The following CPQ variants were observed in gnomAD, a reference collection of about 807,000 sequenced individuals.
CPQ encodes the protein carboxypeptidase Q, also known as Ser-Met dipeptidase.
CPQ carries 37 observed loss-of-function variants against 45.7 expected under a neutral mutation model. The observed-to-expected ratio is 0.81, with a 90% confidence interval of 0.62 to 1.07. The LOEUF is 1.07. CPQ is among the 50% of genes least tolerant of loss of function. The probability of loss-of-function intolerance (pLI) is 0.00; values close to 1 mark genes in which losing one functional copy is unlikely to be tolerated. For synonymous variants in CPQ, 186 were observed against 205.8 expected (o/e 0.90, Z 0.82); for missense variants, 537 against 572.9 (o/e 0.94, Z 0.64).
intron 4 of CPQ, among the ~76,000 whole-genome samples, chr8:96,920,233 A>G (rs1812788710): frequency 6.6e-6 from 1 of 152,142 alleles, no homozygotes; most frequent in African/African-American, 2.4e-5. Context: ...CAGACAATTC[A>G]GCCATCTAAG....
Position 97,143,419 on chromosome 8 carries a change from G to C in CPQ, c.*236G>C, listed in dbSNP as rs559554064. On this transcript the variant is annotated 3_prime_UTR_variant, in exon 8 of 8. Coordinates refer to ENST00000220763, the MANE Select transcript of CPQ (RefSeq NM_016134.4). The stretch of plus-strand genomic sequence containing the variant: ...TCAACATATGGTAGGGATTACAGTG[G>C]GGGCATTTCTTTATATCACCTCTTA... 8.1e-6 allele frequency: 3 copies of C among 368,358 alleles called. No individual in the cohort carries two copies. In the East Asian group the frequency reaches 1.4e-4, roughly 17 times the overall value. 22.8% of individuals were successfully genotyped at this position (368,358 alleles called of 1,614,324 possible).
rs545522023 is a variant in CPQ at position 97,125,561 on chromosome 8, T to G, written c.1256-17459T>G. ...TTCAAGTGGCATTTATCTTAGAAAT[T>G]TAAGGTTGGTTTAATATTTTTAAAT... On this transcript the variant is annotated intron_variant, in intron 7 of 7. Coordinates refer to ENST00000220763, the MANE Select transcript of CPQ (RefSeq NM_016134.4). Among the ~76,000 whole-genome samples, 225 of 152,264 alleles carry G rather than the reference T, an allele frequency of 1.5e-3. 1 individual carries two copies. Among genetic ancestry groups the G allele is most frequent in the African/African-American group, 5.2e-3 (216 of 41,550 alleles).
At chr8:96,759,314 T>C (rs1382412052) in intron 1 of CPQ, among the ~76,000 whole-genome samples, 1 of 152,154 alleles carries the variant, frequency 6.6e-6, no homozygotes, top group Non-Finnish European at 1.5e-5. Context: ...GATTTTGGTA[T>C]TAAGAAAATG....
intron 6 of CPQ, among the ~76,000 whole-genome samples, chr8:97,045,603 C>T (rs1810238695): frequency 6.6e-6 from 1 of 152,200 alleles, no homozygotes; most frequent in African/African-American, 2.4e-5. Context: ...AGCTGTAGAC[C>T]AGAGCTGTTC....
chr8:96,911,581 G>A (rs1191848541), intron 4 of CPQ, among the ~76,000 whole-genome samples: 1 of 152,128 alleles, frequency 6.6e-6, no homozygotes, highest in Non-Finnish European at 1.5e-5. Context: ...CTTACATCCT[G>A]TTTCTCTTGT....
chr8:96,900,594 T>C (rs1453174575), intron 4 of CPQ, among the ~76,000 whole-genome samples: 1 of 152,190 alleles, frequency 6.6e-6, no homozygotes, highest in African/African-American at 2.4e-5. Flanking sequence ...CATGTAGCCA[T>C]AACAAATGGA....
chr8:96,710,896 T>C (rs929890376), intron 1 of CPQ, among the ~76,000 whole-genome samples: 1 of 151,854 alleles, frequency 6.6e-6, no homozygotes, highest in Non-Finnish European at 1.5e-5. Flanking sequence ...CCGGTGTTTC[T>C]TTGTTGACTT....
intron 1 of CPQ, among the ~76,000 whole-genome samples, chr8:96,722,048 T>G (rs1809770326): frequency 6.6e-6 from 1 of 152,172 alleles, no homozygotes; most frequent in Non-Finnish European, 1.5e-5. Flanking sequence ...TTAACAGTTC[T>G]TTTTTTCTTT....
chr8:96,992,735 C>T (rs1478841833), intron 5 of CPQ, among the ~76,000 whole-genome samples: 1 of 151,958 alleles, frequency 6.6e-6, no homozygotes, highest in African/African-American at 2.4e-5. Flanking sequence ...GGAGAGTCTC[C>T]CACTTTCTTT....
At chr8:96,725,225 G>A (rs1809820875) in intron 1 of CPQ, among the ~76,000 whole-genome samples, 1 of 152,100 alleles carries the variant, frequency 6.6e-6, no homozygotes, top group African/African-American at 2.4e-5. Context: ...AACAAAAATT[G>A]ACAAGTGGTA....
At chr8:96,667,240 C>A (rs569130491) in intron 1 of CPQ, among the ~76,000 whole-genome samples, 40 of 152,032 alleles carry the variant, frequency 2.6e-4, no homozygotes, top group African/African-American at 9.6e-4. Context: ...TGGTAGCTTA[C>A]ATAAGAAAAT....
intron 4 of CPQ, among the ~76,000 whole-genome samples, chr8:96,914,339 A>G (rs1812704765): frequency 1.3e-5 from 2 of 152,186 alleles, no homozygotes; most frequent in Admixed American, 6.6e-5. Context: ...GTTTTTAGCA[A>G]TGGAAGTAAG....
intron 6 of CPQ, among the ~76,000 whole-genome samples, chr8:97,038,279 T>G (rs1304888452): frequency 1.3e-5 from 2 of 152,250 alleles, no homozygotes; most frequent in Admixed American, 1.3e-4. Flanking sequence ...CTGGCATTTA[T>G]TCTCCCCTCC....
At chr8:96,750,331 AT>A (rs1810242024) in intron 1 of CPQ, among the ~76,000 whole-genome samples, 1 of 152,004 alleles carries the variant, frequency 6.6e-6, no homozygotes, top group Admixed American at 6.6e-5. Context: ...TTTCAAAATA[AT>A]TTTGAAAAAG....
At chr8:96,756,936 T>C (rs1304194531) in intron 1 of CPQ, among the ~76,000 whole-genome samples, 2 of 152,096 alleles carry the variant, frequency 1.3e-5, no homozygotes, top group East Asian at 1.9e-4. Flanking sequence ...ATTCAAGTGA[T>C]TTTTTTTCCA....
intron 5 of CPQ, among the ~76,000 whole-genome samples, chr8:97,017,054 G>GAGAC (rs1184566403): frequency 6.6e-6 from 1 of 152,140 alleles, no homozygotes; most frequent in Non-Finnish European, 1.5e-5. Context: ...CAGGACCTGG[G>GAGAC]AGACACCCCA....
intron 1 of CPQ, among the ~76,000 whole-genome samples, chr8:96,662,118 T>G (rs1028076444): frequency 6.6e-6 from 1 of 152,256 alleles, no homozygotes; most frequent in Non-Finnish European, 1.5e-5. Context: ...GGGTCATTTT[T>G]TAATTGGGTT....
intron 4 of CPQ, among the ~76,000 whole-genome samples, chr8:96,948,022 T>C (rs1298467187): frequency 6.6e-6 from 1 of 152,024 alleles, no homozygotes. Context: ...CACGCAGATC[T>C]AGTACTTAGC....
At chr8:96,785,410 T>G in intron 2 of CPQ, 80 bp downstream of exon 2, 1 of 1,135,308 alleles carries the variant, frequency 8.8e-7, no homozygotes, top group Non-Finnish European at 1.2e-6. Context: ...TATGCATGAT[T>G]CATATTATAA....
Sources: allele counts gnomAD v4.1 joint callset (sites outside exome capture counted in the v4.1 genomes callset), GRCh38; gene constraint gnomAD v4.1.1; transcripts MANE v1.5; gene names NCBI Gene and HGNC (gene_info 2026-07-23, HGNC 2026-07-21).